Variants in EP400 observed in about 807,000 individuals in gnomAD.
EP400 encodes E1A binding protein p400.
In EP400, 105 loss-of-function variants were observed where a neutral mutation model predicts 354.1. The observed-to-expected ratio is 0.30, with a 90% CI of 0.25 to 0.35. EP400 has a LOEUF of 0.35. Among genes scored for constraint, EP400 ranks in the 10% least tolerant of loss-of-function variants. The pLI is 1.00. For synonymous variants in EP400, 1,646 were observed against 1,716.9 expected, an observed-to-expected ratio of 0.96 and a Z score of 1.02; for missense variants, 3,280 against 4,121.0, an observed-to-expected ratio of 0.80 and a Z score of 5.59.
Position 131,982,137 on chromosome 12 carries a change from A to G in EP400, c.1588A>G (p.Arg530Gly). The G allele has an allele frequency of 6.3e-7, 1 of 1,581,912 alleles. No individual in the cohort carries two copies. Among genetic ancestry groups the G allele is most frequent in the Non-Finnish European group, 8.6e-7 (1 of 1,159,630 alleles). Residue 530 changes from arginine (R) to glycine (G), a missense_variant, in exon 5 of 53, where the codon AGG becomes GGG. Physicochemically the swap from Arg to Gly is moderately radical, Grantham distance 125. Coordinates refer to ENST00000389561, the MANE Select transcript of EP400 (RefSeq NM_015409.5). ...GCAGGCCGCGCAGCTCGCTGGACAGAGGCAGAGTCAGCAGCAGTATGACCC... is the reference window on the plus strand; with the variant it reads ...GCAGGCCGCGCAGCTCGCTGGACAGGGGCAGAGTCAGCAGCAGTATGACCC... ...TPQAAQLAGQ[R>G]QSQQQYDPST...
At chr12:131,966,384 C>T (rs959348218) in intron 2 of EP400, among the ~76,000 whole-genome samples, 1 of 151,830 alleles carries the variant, frequency 6.6e-6, no homozygotes, top group Non-Finnish European at 1.5e-5. Flanking sequence ...GCTTGGCCAA[C>T]GTGGTGAAAC....
intron 45 of EP400, among the ~76,000 whole-genome samples, chr12:132,055,484 GGTGT>G (rs1180517157): frequency 3.7e-5 from 5 of 136,182 alleles, no homozygotes; most frequent in Non-Finnish European, 7.9e-5. Flanking sequence ...GAGGTGTAGG[GGTGT>G]GTGTGAGGTG....
rs892295336 is a variant in EP400 at position 132,025,339 on chromosome 12, G to A, written c.4856-307G>A. On this transcript the variant is annotated intron_variant, in intron 24 of 52. Coordinates refer to ENST00000389561, the MANE Select transcript of EP400 (RefSeq NM_015409.5). This position sits in a 1 kb window ranked among gnomAD's most constrained non-coding sequence, Gnocchi z 4.1. ...CTGTGATCTGGGAGTGGGGATGTCC[G>A]CCTCAGTACCTCGAACAGCATGGCA... Among the ~76,000 whole-genome samples the A allele has an allele frequency of 3.9e-5, 6 of 152,100 alleles. No homozygotes were observed. The highest frequency in any genetic ancestry group is 4.8e-5 in the African/African-American group (2 of 41,406).
chr12:132,060,571 G>A (rs544604341), intron 45 of EP400, among the ~76,000 whole-genome samples: 26 of 152,244 alleles, frequency 1.7e-4, no homozygotes, highest in Non-Finnish European at 3.2e-4. Context: ...TGTCGTGCCA[G>A]GGAAAGAAAG....
At chr12:132,043,848 G>A in intron 34 of EP400, 120 bp downstream of exon 34, 1 of 933,426 alleles carries the variant, frequency 1.1e-6, no homozygotes, top group East Asian at 2.6e-5. Context: ...CCACAAGTAT[G>A]GAAATGAACT....
In EP400 at chr12:132,067,016, C is replaced by T. The variant is rs778739505; in HGVS notation, c.8749+47C>T. The T allele has an allele frequency of 6.0e-6, 9 of 1,506,848 alleles. No homozygotes were observed. Among genetic ancestry groups the T allele is most frequent in the East Asian group, 4.8e-5 (2 of 41,904 alleles). 93.3% of individuals were successfully genotyped at this position (1,506,848 alleles called of 1,614,324 possible). A position where few individuals can be genotyped will look rare whatever the true frequency, so the allele number is the denominator to read the frequency against. ...CCCGTCCTGGGCTTGAGCCTGGTTT[C>T]ACAGGCCTCTCTGGTGGCAGTGGTC... On this transcript the variant is annotated intron_variant, in intron 49 of 52. Coordinates refer to ENST00000389561, the MANE Select transcript of EP400 (RefSeq NM_015409.5). This position sits in a 1 kb window ranked among gnomAD's most constrained non-coding sequence, Gnocchi z 5.3.
At chr12:132,024,791 C>T (rs967917654) in intron 24 of EP400, among the ~76,000 whole-genome samples, 7 of 150,896 alleles carry the variant, frequency 4.6e-5, no homozygotes, top group South Asian at 2.1e-4. Flanking sequence ...GCAGCCTCAG[C>T]GGCTGCCTCC....
At chr12:131,974,658 C>T (rs191305344) in intron 2 of EP400, among the ~76,000 whole-genome samples, 1 of 152,210 alleles carries the variant, frequency 6.6e-6, no homozygotes, top group African/African-American at 2.4e-5. Context: ...GTGAGAAATT[C>T]TCTTTTTTAA....
At chr12:132,026,758 G>T (rs1423837356) in intron 25 of EP400, among the ~76,000 whole-genome samples, 1 of 152,136 alleles carries the variant, frequency 6.6e-6, no homozygotes, top group African/African-American at 2.4e-5. Context: ...ACCCCCAAGT[G>T]CTGAGTTCTG....
In EP400 at chr12:132,023,992, C is replaced by G. The variant is rs184476976; in HGVS notation, c.4855+51C>G. On this transcript the variant is annotated intron_variant, in intron 24 of 52. Coordinates refer to ENST00000389561, the MANE Select transcript of EP400 (RefSeq NM_015409.5). ...GATGCCAAAAATGACAAAAGCGCCT[C>G]ACCATGAGCCCTGCTGCCCACGGGC... 284 of 1,494,050 alleles carry G rather than the reference C, an allele frequency of 1.9e-4. No homozygotes were observed. In the African/African-American group the frequency reaches 3.6e-3, roughly 19 times the overall value. The allele number at this position is 1,494,050 out of a possible 1,614,324, so 92.5% of individuals were successfully genotyped here.
chr12:132,017,500 G>A lies in EP400; in HGVS notation c.3924-35G>A. The stretch of plus-strand genomic sequence containing the variant: ...TGGGACTATGTCCATGTGCCGTTTG[G>A]ATTGAATGCTTCGTGTTTCTTTCTC... On this transcript the variant is annotated intron_variant, in intron 19 of 52. Coordinates refer to ENST00000389561, the MANE Select transcript of EP400 (RefSeq NM_015409.5). This position sits in a 1 kb window ranked among gnomAD's most constrained non-coding sequence, Gnocchi z 5.0. The A allele has an allele frequency of 1.2e-6, 2 of 1,608,500 alleles. No individual in the cohort carries two copies. Among genetic ancestry groups the A allele is most frequent in the Middle Eastern group, 1.9e-4 (1 of 5,302 alleles).
chr12:132,044,988 G>T (rs1252064809), intron 37 of EP400, 35 bp downstream of exon 37: 6 of 1,608,694 alleles, frequency 3.7e-6, no homozygotes, highest in Non-Finnish European at 5.1e-6. Flanking sequence ...GACCTGGGGG[G>T]GCCCTGGCCT....
At chr12:132,009,042 G>A (rs1250787893) in intron 15 of EP400, among the ~76,000 whole-genome samples, 1 of 144,208 alleles carries the variant, frequency 6.9e-6, no homozygotes, top group African/African-American at 2.5e-5. Flanking sequence ...GCCTCCTAAG[G>A]AGCTACTTAG....
At chr12:132,048,657 G>T (rs1160802951) in intron 39 of EP400, among the ~76,000 whole-genome samples, 2 of 151,908 alleles carry the variant, frequency 1.3e-5, no homozygotes, top group Non-Finnish European at 2.9e-5. Context: ...CGAGTAGCTG[G>T]GATTACAGGT....
Position 132,014,043 on chromosome 12 carries a change from C to T in EP400, c.3923+130C>T, listed in dbSNP as rs963932820. On this transcript the variant is annotated intron_variant, in intron 19 of 52. Coordinates refer to ENST00000389561, the MANE Select transcript of EP400 (RefSeq NM_015409.5). ...GTGTCTGGAGCTGGAGACCGAGGCACCCTCCTGGGGGCAGCAGGCTCTGCA... is the reference window on the plus strand; with the variant it reads ...GTGTCTGGAGCTGGAGACCGAGGCATCCTCCTGGGGGCAGCAGGCTCTGCA... The T allele has an allele frequency of 8.7e-6, 11 of 1,268,390 alleles. No homozygotes were observed. The African/African-American group carries it at 1.5e-4, about 17-fold the overall frequency. The allele number at this position is 1,268,390 out of a possible 1,614,324, so 78.6% of individuals were successfully genotyped here. A position where few individuals can be genotyped will look rare whatever the true frequency, so the allele number is the denominator to read the frequency against.
At chr12:132,053,851 G>C (rs1273793703) in intron 43 of EP400, among the ~76,000 whole-genome samples, 1 of 152,202 alleles carries the variant, frequency 6.6e-6, no homozygotes, top group African/African-American at 2.4e-5. Context: ...TTGGCAGGTA[G>C]AGGCAGCTCC....
At position 132,043,736 on chromosome 12, in the gene EP400, A is replaced by T; in HGVS notation, c.6450+8A>T. ...AAGGAGAGAAACAGTGAGGTAAGAG[A>T]ATCAACTTTTGGTCAGTGAAAAAAA... On this transcript the variant is annotated splice_region_variant and intron_variant, in intron 34 of 52. Transcript: ENST00000389561. The T allele has an allele frequency of 6.3e-7, 1 of 1,596,082 alleles. No homozygotes were observed. The highest frequency in any genetic ancestry group is 8.5e-7 in the Non-Finnish European group (1 of 1,174,914).
rs1565917395 is a variant in EP400 at position 132,017,587 on chromosome 12, G to C, written c.3976G>C (p.Val1326Leu). The C allele has an allele frequency of 6.2e-7, 1 of 1,613,938 alleles. No homozygotes were observed. Among genetic ancestry groups the C allele is most frequent in the East Asian group, 2.2e-5 (1 of 44,856 alleles). ...GHFVNVLSIL[V>L]RLQRICNHPG... ...CTTTGTCAACGTCCTGAGCATCCTT[G>C]TGCGGCTGCAGCGCATCTGCAACCA... The change falls in exon 20 of 53, where the codon GTG (valine) becomes CTG (leucine). Residue 1326 changes from valine (V) to leucine (L), a missense_variant. Physicochemically the swap from Val to Leu is conservative, Grantham distance 32. Transcript: ENST00000389561. This position sits in a 1 kb window ranked among gnomAD's most constrained non-coding sequence, Gnocchi z 5.0.
chr12:132,015,055 C>T (rs1256291668), intron 19 of EP400, among the ~76,000 whole-genome samples: 1 of 152,262 alleles, frequency 6.6e-6, no homozygotes, highest in East Asian at 1.9e-4. Context: ...CACTCATGGG[C>T]TCGCCAGGGT....
Sources: allele counts gnomAD v4.1 joint callset (sites outside exome capture counted in the v4.1 genomes callset), GRCh38; gene constraint gnomAD v4.1.1; non-coding constraint Gnocchi (gnomAD v3.1); transcripts MANE v1.5; gene names NCBI Gene and HGNC (gene_info 2026-07-23, HGNC 2026-07-21).